Variants in GRIK2 observed in about 807,000 individuals in gnomAD.
The protein encoded by GRIK2 is glutamate receptor ionotropic, kainate 2.
A neutral mutation model predicts 100.3 loss-of-function variants in GRIK2; 32 were observed. The observed-to-expected ratio is 0.32, with a 90% CI of 0.24 to 0.43. The LOEUF is 0.43. Among genes scored for constraint, GRIK2 ranks in the 20% least tolerant of loss-of-function variants. The pLI is 1.00. For missense variants in GRIK2, 843 were observed against 1,114.9 expected (o/e 0.76, Z 3.47); for synonymous variants, 417 against 389.4 (o/e 1.07, Z -0.83).
At chr6:101,629,355 C>T (rs1405131216) in intron 4 of GRIK2, among the ~76,000 whole-genome samples, 1 of 151,932 alleles carries the variant, frequency 6.6e-6, no homozygotes, top group Non-Finnish European at 1.5e-5. Flanking sequence ...ATTGCTGTTC[C>T]ATTTTATGCA....
At chr6:101,497,688 G>A (rs1032364746) in intron 2 of GRIK2, among the ~76,000 whole-genome samples, 3 of 151,882 alleles carry the variant, frequency 2.0e-5, no homozygotes, top group Admixed American at 6.6e-5. Context: ...TATTTTAAAA[G>A]CATCATATGC....
chr6:101,424,062 G>T (rs1381737363), intron 2 of GRIK2, among the ~76,000 whole-genome samples: 7 of 151,932 alleles, frequency 4.6e-5, no homozygotes, highest in Non-Finnish European at 1.0e-4. Flanking sequence ...TGTATTTGGG[G>T]GTTGTTACTA....
At chr6:101,429,031 G>T (rs950469671) in intron 2 of GRIK2, among the ~76,000 whole-genome samples, 1 of 152,154 alleles carries the variant, frequency 6.6e-6, no homozygotes, top group Non-Finnish European at 1.5e-5. Flanking sequence ...GCTGACATTT[G>T]CACCTCAACC....
rs539773476 is a variant in GRIK2 at position 101,417,639 on chromosome 6, C to T, written c.115+18247C>T. On this transcript the variant is annotated intron_variant, in intron 2 of 16. Transcript: ENST00000369134. ...CCACCTCCCCCTAAAAGGATGTGGG[C>T]GTAGAATTACTTAAATATTGCCGTA... is the stretch of plus-strand genomic sequence containing the variant. Among the ~76,000 whole-genome samples the T allele has an allele frequency of 7.2e-5, 11 of 152,260 alleles. No individual in the cohort carries two copies. The South Asian group carries it at 1.5e-3, about 20-fold the overall frequency.
intron 7 of GRIK2, among the ~76,000 whole-genome samples, chr6:101,710,671 A>G (rs1773637225): frequency 6.6e-6 from 1 of 151,830 alleles, no homozygotes; most frequent in African/African-American, 2.4e-5. Context: ...CCACTCCTGT[A>G]GCTCATCCAC....
intron 11 of GRIK2, among the ~76,000 whole-genome samples, chr6:101,876,112 GA>G (rs1342518002): frequency 6.6e-6 from 1 of 151,512 alleles, no homozygotes; most frequent in Non-Finnish European, 1.5e-5. Flanking sequence ...CTGTATTTAG[GA>G]AGTCAAAATT....
intron 15 of GRIK2, among the ~76,000 whole-genome samples, chr6:102,045,344 T>G (rs1284198514): frequency 6.6e-6 from 1 of 152,144 alleles, no homozygotes; most frequent in African/African-American, 2.4e-5. Flanking sequence ...ATAACTCTTC[T>G]TTTACTTTTG....
intron 11 of GRIK2, among the ~76,000 whole-genome samples, chr6:101,880,188 T>C (rs576435069): frequency 6.6e-6 from 1 of 152,184 alleles, no homozygotes; most frequent in Non-Finnish European, 1.5e-5. Context: ...CCTGAATATT[T>C]GGTTTGCTCA....
chr6:101,846,005 TTG>T (rs1422281633), intron 10 of GRIK2, among the ~76,000 whole-genome samples: 1 of 146,422 alleles, frequency 6.8e-6, no homozygotes, highest in Non-Finnish European at 1.5e-5. Context: ...TTAAACAGCA[TTG>T]TTTTTTTTTT....
intron 2 of GRIK2, among the ~76,000 whole-genome samples, chr6:101,528,180 C>T (rs141777568): frequency 1.9e-4 from 29 of 152,220 alleles, no homozygotes; most frequent in African/African-American, 7.0e-4. Flanking sequence ...TGGCACTAAG[C>T]AAGCATCTAG....
chr6:101,642,884 C>T (rs1781348473), intron 4 of GRIK2, among the ~76,000 whole-genome samples: 1 of 151,586 alleles, frequency 6.6e-6, no homozygotes, highest in South Asian at 2.1e-4. Flanking sequence ...TCCGTATCCT[C>T]ACTAACATAT....
At chr6:101,517,759 T>C (rs1280848648) in intron 2 of GRIK2, among the ~76,000 whole-genome samples, 1 of 152,174 alleles carries the variant, frequency 6.6e-6, no homozygotes, top group Admixed American at 6.6e-5. Flanking sequence ...TTGTTTCTTC[T>C]ACAGTGGTGT....
Position 101,675,734 on chromosome 6 carries a change from G to T in GRIK2, c.542-889G>T, listed in dbSNP as rs943855636. ...GATATATTTTTAATTTAATTATCAG[G>T]TACTTCTCTAGGAGAATGCTTACTT... On this transcript the variant is annotated intron_variant, in intron 4 of 16. Transcript: ENST00000369134. Among the ~76,000 whole-genome samples, 6 of 152,070 alleles carry T rather than the reference G, an allele frequency of 3.9e-5. No homozygotes were observed. In the South Asian group the frequency reaches 8.3e-4, roughly 21 times the overall value.
intron 4 of GRIK2, among the ~76,000 whole-genome samples, chr6:101,628,880 A>G (rs142233195): frequency 0.012 from 1,802 of 152,234 alleles, 36 homozygotes; most frequent in African/African-American, 0.041. Flanking sequence ...AGTATTCAAA[A>G]TGTCTACAGA....
chr6:101,799,817 T>A, intron 8 of GRIK2, 26 bp downstream of exon 8: 1 of 1,581,702 alleles, frequency 6.3e-7, no homozygotes, highest in Non-Finnish European at 8.7e-7. Flanking sequence ...AACATCTGCC[T>A]TGTCTCTTTT....
At chr6:101,545,646 A>C (rs558207760) in intron 2 of GRIK2, among the ~76,000 whole-genome samples, 1 of 152,320 alleles carries the variant, frequency 6.6e-6, no homozygotes, top group South Asian at 2.1e-4. Context: ...GTTAAGTGAT[A>C]ATAGTGCAAA....
chr6:101,907,141 T>A (rs1324689558), intron 12 of GRIK2, among the ~76,000 whole-genome samples: 1 of 151,702 alleles, frequency 6.6e-6, no homozygotes, highest in African/African-American at 2.4e-5. Flanking sequence ...AAGGAATATA[T>A]ATTAGATATA....
At chr6:101,633,087 A>G (rs1780839860) in intron 4 of GRIK2, among the ~76,000 whole-genome samples, 1 of 152,216 alleles carries the variant, frequency 6.6e-6, no homozygotes, top group Non-Finnish European at 1.5e-5. Context: ...TGATCAATGG[A>G]TTTTATAAAA....
intron 12 of GRIK2, among the ~76,000 whole-genome samples, chr6:101,900,024 G>A (rs1195792613): frequency 1.3e-5 from 2 of 151,740 alleles, no homozygotes; most frequent in African/African-American, 4.8e-5. Context: ...GCTTGTAAAT[G>A]GACATACAAA....
Sources: gnomAD v4.1 joint callset for allele counts (sites outside exome capture counted in the v4.1 genomes callset) on GRCh38, gnomAD v4.1.1 for gene constraint, MANE v1.5 for transcripts, NCBI Gene and HGNC (gene_info 2026-07-23, HGNC 2026-07-21) for gene names.